HIVEP1: variants seen among roughly 807,000 people sequenced by gnomAD.
HIVEP1 encodes the protein HIVEP zinc finger 1.
HIVEP1 carries 36 observed loss-of-function variants against 180.0 expected under a neutral mutation model. The ratio of observed to expected loss-of-function variants is 0.20; its 90% CI spans 0.15 to 0.26. The LOEUF (loss-of-function observed/expected upper bound fraction) is 0.26. HIVEP1 is among the 10% of genes least tolerant of loss of function. The pLI is 1.00. For missense variants in HIVEP1, 3,143 were observed against 3,268.7 expected, an observed-to-expected ratio of 0.96 and a Z score of 0.94; for synonymous variants, 1,239 against 1,239.0, an observed-to-expected ratio of 1.00 and a Z score of 0.00.
At chr6:12,016,813 A>C (rs370434331) in intron 2 of HIVEP1, among the ~76,000 whole-genome samples, 1 of 152,210 alleles carries the variant, frequency 6.6e-6, no homozygotes, top group African/African-American at 2.4e-5. Flanking sequence ...CCCCCTCACT[A>C]GAATCTGAAC....
chr6:12,125,777 C>T lies in HIVEP1; in HGVS notation c.5982C>T (p.Asn1994=). ...TTGCTCTCCTTAATTCAAAACAGAA[C>T]ACTGGAAAATCACTATACTGTCAAG... ...VALALLNSKQ[N]TGKSLYCQAI... is the part of the protein sequence containing the mutation. Residue 1994 remains asparagine, a synonymous_variant, in exon 4 of 9, where the codon AAC becomes AAT. Coordinates refer to ENST00000379388, the MANE Select transcript of HIVEP1 (RefSeq NM_002114.4). 1 of 1,613,834 alleles carries T rather than the reference C, an allele frequency of 6.2e-7. No homozygotes were observed. The highest frequency in any genetic ancestry group is 8.5e-7 in the Non-Finnish European group (1 of 1,179,732).
chr6:12,076,766 G>A (rs975706171), intron 2 of HIVEP1, among the ~76,000 whole-genome samples: 2 of 152,090 alleles, frequency 1.3e-5, no homozygotes, highest in Non-Finnish European at 1.5e-5. Context: ...CATTTTGGAG[G>A]GGACAAAAAC....
At chr6:12,144,916 T>C (rs1759276022) in intron 7 of HIVEP1, among the ~76,000 whole-genome samples, 1 of 152,204 alleles carries the variant, frequency 6.6e-6, no homozygotes, top group Non-Finnish European at 1.5e-5. Flanking sequence ...TTTTACACTA[T>C]TGGTGGGAGT....
the HIVEP1 span, among the ~76,000 whole-genome samples, chr6:12,200,811 G>C: frequency 6.6e-6 from 1 of 152,184 alleles, no homozygotes; most frequent in Non-Finnish European, 1.5e-5. Flanking sequence ...CACGACTTTT[G>C]CATTCTACTT....
At chr6:12,056,217 T>C (rs1380253093) in intron 2 of HIVEP1, among the ~76,000 whole-genome samples, 2 of 152,178 alleles carry the variant, frequency 1.3e-5, no homozygotes, top group East Asian at 3.8e-4. Context: ...ATAGGATCAA[T>C]AAATTACTAG....
At chr6:12,190,276 A>C in the HIVEP1 span, among the ~76,000 whole-genome samples, 1 of 152,198 alleles carries the variant, frequency 6.6e-6, no homozygotes, top group Non-Finnish European at 1.5e-5. Flanking sequence ...ATAGAAAATA[A>C]AAATGTTCAA....
At chr6:12,113,417 G>C (rs1485837836) in intron 3 of HIVEP1, among the ~76,000 whole-genome samples, 2 of 151,966 alleles carry the variant, frequency 1.3e-5, no homozygotes, top group Non-Finnish European at 2.9e-5. Flanking sequence ...GGGGCAGTTC[G>C]AGGAGGAGAA....
intron 2 of HIVEP1, among the ~76,000 whole-genome samples, chr6:12,030,584 T>TA (rs1294771648): frequency 5.9e-5 from 9 of 152,222 alleles, no homozygotes; most frequent in Admixed American, 5.2e-4. Flanking sequence ...TCATTTCACT[T>TA]ACTTTACTTT....
At chr6:12,112,151 T>A (rs1228541642) in intron 3 of HIVEP1, among the ~76,000 whole-genome samples, 2 of 152,214 alleles carry the variant, frequency 1.3e-5, no homozygotes, top group Non-Finnish European at 2.9e-5. Context: ...CCTTCATTTT[T>A]GAAAGCTAAA....
In HIVEP1 at chr6:12,012,408, G is replaced by A. The variant is rs1447640201; in HGVS notation, c.-262G>A. ...AGCGGCGGCCGCCGGAGGAGGTTAT[G>A]TTTGTGTTTGGGGTTGTCAAGTGAA... On this transcript the variant is annotated 5_prime_UTR_variant, in exon 1 of 9. An upstream start codon of the reference 5' UTR is lost. Coordinates refer to ENST00000379388, the MANE Select transcript of HIVEP1 (RefSeq NM_002114.4). 1 of 148,954 alleles carries A rather than the reference G, an allele frequency of 6.7e-6. No individual in the cohort carries two copies. Among genetic ancestry groups the A allele is most frequent in the South Asian group, 2.0e-4 (1 of 4,896 alleles). 9.2% of individuals were successfully genotyped at this position (148,954 alleles called of 1,614,324 possible). A position where few individuals can be genotyped will look rare whatever the true frequency, so the allele number is the denominator to read the frequency against.
At chr6:12,204,066 A>G in the HIVEP1 span, among the ~76,000 whole-genome samples, 8 of 151,000 alleles carry the variant, frequency 5.3e-5, no homozygotes, top group South Asian at 1.7e-3. Context: ...AACAGAGTGA[A>G]ACTCCATCTG....
chr6:12,029,147 T>C (rs1768772122), intron 2 of HIVEP1, among the ~76,000 whole-genome samples: 1 of 152,258 alleles, frequency 6.6e-6, no homozygotes, highest in African/African-American at 2.4e-5. Context: ...GTGAATAATG[T>C]TGCTGTAAGC....
intron 2 of HIVEP1, among the ~76,000 whole-genome samples, chr6:12,073,897 G>A (rs1394279783): frequency 1.3e-5 from 2 of 152,094 alleles, no homozygotes; most frequent in African/African-American, 4.8e-5. Flanking sequence ...GTGAATTTGA[G>A]TGCCCCCGGT....
chr6:12,184,220 T>C, the HIVEP1 span, among the ~76,000 whole-genome samples: 2 of 152,224 alleles, frequency 1.3e-5, no homozygotes, highest in African/African-American at 2.4e-5. Flanking sequence ...AACATCATGA[T>C]TTTTGATCTC....
chr6:12,206,450 A>AAC, the HIVEP1 span, among the ~76,000 whole-genome samples: 8 of 151,878 alleles, frequency 5.3e-5, no homozygotes, highest in Admixed American at 2.6e-4. Context: ...GGGAAATTTG[A>AAC]ACACACACAC....
intron 5 of HIVEP1, 134 bp downstream of exon 5, chr6:12,130,026 T>C (rs1439558511): frequency 1.6e-6 from 1 of 630,968 alleles, no homozygotes; most frequent in Non-Finnish European, 2.8e-6. Flanking sequence ...TAACAGAATC[T>C]CCATAGCAAA....
intron 7 of HIVEP1, among the ~76,000 whole-genome samples, chr6:12,156,093 G>A (rs1181448924): frequency 6.6e-6 from 1 of 151,992 alleles, no homozygotes; most frequent in South Asian, 2.1e-4. Flanking sequence ...CTTTTTAATC[G>A]GGTTACTTTT....
chr6:12,150,919 G>C (rs952952913), intron 7 of HIVEP1, among the ~76,000 whole-genome samples: 8 of 152,050 alleles, frequency 5.3e-5, no homozygotes, highest in African/African-American at 1.9e-4. Flanking sequence ...AACAACAAAA[G>C]AAGGTTGCTA....
At chr6:12,129,948 A>G in intron 5 of HIVEP1, 56 bp downstream of exon 5, 3 of 1,232,462 alleles carry the variant, frequency 2.4e-6, no homozygotes, top group Admixed American at 2.1e-5. Flanking sequence ...TTAAATGTAC[A>G]TTTGCTTTCA....
Sources: gnomAD v4.1 joint callset for allele counts (sites outside exome capture counted in the v4.1 genomes callset) on GRCh38, gnomAD v4.1.1 for gene constraint, MANE v1.5 for transcripts, NCBI Gene and HGNC (gene_info 2026-07-23, HGNC 2026-07-21) for gene names.